SLC28A1: variants seen among roughly 807,000 people sequenced by gnomAD.
SLC28A1 encodes sodium/nucleoside cotransporter 1.
Under a neutral mutation model 74.8 loss-of-function variants are expected in SLC28A1, and 64 were observed. That is an observed-to-expected ratio of 0.86 (90% CI 0.70 to 1.05). The LOEUF (loss-of-function observed/expected upper bound fraction) is 1.05, where lower values mean the gene tolerates loss of function less well. Among genes scored for constraint, SLC28A1 ranks in the 50% least tolerant of loss-of-function variants. SLC28A1 has a pLI of 0.00. For missense variants in SLC28A1, 828 were observed against 822.8 expected (o/e 1.01, Z -0.08); for synonymous variants, 359 against 335.0 (o/e 1.07, Z -0.78).
In SLC28A1 at chr15:84,945,268, C is replaced by T. The variant is rs2079163944; in HGVS notation, c.*68C>T. The stretch of plus-strand genomic sequence containing the variant: ...TCCCCCGGGAACCATCTGTCCCCAC[C>T]TTCCCTTTCCCAGAGCCCTCTTCAG... On this transcript the variant is annotated 3_prime_UTR_variant, in exon 19 of 19. Coordinates refer to ENST00000394573, the MANE Select transcript of SLC28A1 (RefSeq NM_004213.5). 2.1e-6 allele frequency: 3 copies of T among 1,453,694 alleles called. No individual in the cohort carries two copies. The highest frequency in any genetic ancestry group is 1.4e-5 in the African/African-American group (1 of 71,782). 90.0% of individuals were successfully genotyped at this position (1,453,694 alleles called of 1,614,324 possible).
At chr15:84,932,194 C>G (rs1272437614) in intron 12 of SLC28A1, among the ~76,000 whole-genome samples, 1 of 152,136 alleles carries the variant, frequency 6.6e-6, no homozygotes, top group Non-Finnish European at 1.5e-5. Context: ...CACTGTGAGG[C>G]CTTGATGACC....
chr15:84,925,586 T>G (rs1970421308), intron 12 of SLC28A1, among the ~76,000 whole-genome samples: 1 of 151,726 alleles, frequency 6.6e-6, no homozygotes, highest in Non-Finnish European at 1.5e-5. Flanking sequence ...GGCAACAGAG[T>G]GAGACTGTGT....
At chr15:84,895,829 T>C in intron 6 of SLC28A1, 2 of 1,087,384 alleles carry the variant, frequency 1.8e-6, no homozygotes, top group Non-Finnish European at 2.2e-6. Context: ...TCTATTTTGT[T>C]GATGAAGAAG....
the SLC28A1 span, among the ~76,000 whole-genome samples, chr15:84,957,263 G>A: frequency 6.6e-6 from 1 of 151,872 alleles, no homozygotes; most frequent in African/African-American, 2.4e-5. Flanking sequence ...TTGTTTGTTT[G>A]TTTTGTTTTG....
chr15:84,963,427 C>T, the SLC28A1 span, among the ~76,000 whole-genome samples: 1 of 152,136 alleles, frequency 6.6e-6, no homozygotes, highest in Non-Finnish European at 1.5e-5. Flanking sequence ...TATTCCCTCA[C>T]TAGATAGAGG....
At chr15:84,923,309 A>G (rs991998573) in intron 11 of SLC28A1, among the ~76,000 whole-genome samples, 2 of 151,778 alleles carry the variant, frequency 1.3e-5, no homozygotes, top group African/African-American at 4.9e-5. Flanking sequence ...CACCATCTAA[A>G]ATGACATTGC....
At chr15:84,911,518 C>T (rs1425384575) in intron 9 of SLC28A1, among the ~76,000 whole-genome samples, 1 of 152,194 alleles carries the variant, frequency 6.6e-6, no homozygotes, top group Non-Finnish European at 1.5e-5. Flanking sequence ...CCTCATGTCT[C>T]TCCTCCAAAT....
chr15:84,904,303 A>C, intron 7 of SLC28A1, 65 bp downstream of exon 7: 1 of 1,607,078 alleles, frequency 6.2e-7, no homozygotes. Context: ...CCTAGGCTGG[A>C]TCTGGGAGCT....
At chr15:84,960,695 G>A in the SLC28A1 span, among the ~76,000 whole-genome samples, 2 of 152,192 alleles carry the variant, frequency 1.3e-5, no homozygotes, top group Non-Finnish European at 2.9e-5. Flanking sequence ...CCTGTTTTCA[G>A]CCCCACCTTC....
chr15:84,906,016 TTC>T (rs1165113501), intron 8 of SLC28A1, among the ~76,000 whole-genome samples: 3 of 82,948 alleles, frequency 3.6e-5, no homozygotes, highest in Non-Finnish European at 6.0e-5. Flanking sequence ...TACATTTTTG[TTC>T]TTTTTTTTTT....
chr15:84,886,632 G>A (rs1964633353), intron 1 of SLC28A1, 40 bp from the exon 2 acceptor site: 1 of 985,518 alleles, frequency 1.0e-6, no homozygotes, highest in African/African-American at 1.7e-5. Context: ...GCAGAACTGG[G>A]TGGCAGGCCC....
intron 15 of SLC28A1, among the ~76,000 whole-genome samples, chr15:84,939,918 A>G (rs2017046): frequency 0.9 from 137,336 of 152,170 alleles, 62,192 homozygotes; most frequent in African/African-American, 0.97. Context: ...TCTGCCTCCT[A>G]GGCTCAAGTG....
intron 11 of SLC28A1, among the ~76,000 whole-genome samples, chr15:84,921,682 C>A (rs1053276883): frequency 3.9e-5 from 6 of 152,192 alleles, no homozygotes; most frequent in Admixed American, 1.3e-4. Flanking sequence ...TTTCACTGGA[C>A]AGTTTAGGAA....
downstream of SLC28A1, among the ~76,000 whole-genome samples, chr15:84,949,443 T>G (rs896367): frequency 5.3e-5 from 8 of 152,034 alleles, no homozygotes; most frequent in African/African-American, 1.9e-4. Flanking sequence ...TGTGCAGTAG[T>G]GCAAAAATCC....
chr15:84,920,063 T>C (rs188808622), intron 10 of SLC28A1, among the ~76,000 whole-genome samples: 2 of 152,104 alleles, frequency 1.3e-5, no homozygotes, highest in Admixed American at 1.3e-4. Context: ...CTCCAAATAC[T>C]TACAGAAGAG....
chr15:84,974,743 G>C, the SLC28A1 span, among the ~76,000 whole-genome samples: 1 of 152,304 alleles, frequency 6.6e-6, no homozygotes, highest in Middle Eastern at 3.4e-3. Context: ...GGGCACAAAT[G>C]GTGTAGCTTT....
chr15:84,912,832 ACACACACACACACAC>A lies in SLC28A1; in HGVS notation c.795+4038_795+4052del, dbSNP rs1567151110. Among the ~76,000 whole-genome samples the A allele has an allele frequency of 5.3e-5, 8 of 151,832 alleles. No individual in the cohort carries two copies. The East Asian group carries it at 9.7e-4, about 18-fold the overall frequency. On this transcript the variant is annotated intron_variant, in intron 9 of 18. Coordinates refer to ENST00000394573, the MANE Select transcript of SLC28A1 (RefSeq NM_004213.5). ...CACACACACACACACACACACACAC[ACACACACACACACAC>A]AGATCAAATAAGGACCAAAAGGTAT...
downstream of SLC28A1, among the ~76,000 whole-genome samples, chr15:84,947,375 T>G (rs2079267902): frequency 6.6e-6 from 1 of 152,214 alleles, no homozygotes; most frequent in Non-Finnish European, 1.5e-5. Flanking sequence ...CTCCACTAGC[T>G]GGGTCATGGA....
intron 11 of SLC28A1, among the ~76,000 whole-genome samples, chr15:84,923,608 T>C (rs1970123272): frequency 6.6e-6 from 1 of 152,152 alleles, no homozygotes; most frequent in Admixed American, 6.5e-5. Context: ...AGGACCTGCT[T>C]CACATCCTTT....
Sources: allele counts gnomAD v4.1 joint callset (sites outside exome capture counted in the v4.1 genomes callset), GRCh38; gene constraint gnomAD v4.1.1; transcripts MANE v1.5; gene names NCBI Gene and HGNC (gene_info 2026-07-23, HGNC 2026-07-21).